The following CADM1 variants were observed in gnomAD, a reference collection of about 807,000 sequenced individuals.
CADM1 encodes the protein TSLC-1.
A neutral mutation model predicts 53.1 loss-of-function variants in CADM1; 15 were observed. The observed-to-expected ratio is 0.28, with a 90% CI of 0.19 to 0.44. CADM1 has a LOEUF of 0.44. CADM1 is among the 20% of genes least tolerant of loss of function. The probability of loss-of-function intolerance (pLI) is 1.00; values close to 1 mark genes in which losing one functional copy is unlikely to be tolerated. For missense variants in CADM1, 434 were observed against 611.3 expected (o/e 0.71, Z 3.06); for synonymous variants, 281 against 243.0 (o/e 1.16, Z -1.45).
chr11:115,464,259 C>T (rs942894203), intron 1 of CADM1, among the ~76,000 whole-genome samples: 20 of 152,072 alleles, frequency 1.3e-4, no homozygotes, highest in African/African-American at 4.3e-4. Flanking sequence ...GTTATAGGTG[C>T]GTGTGTATTT....
rs10565366 is a variant in CADM1 at position 115,174,266 on chromosome 11, ATTT to A, written c.*2205_*2207del. ...TGCCAATTCTGTGAGCAATGGTGTG[ATTT>A]TTTTTTTTTGTTTTTGTTTTTGTTT... On this transcript the variant is annotated 3_prime_UTR_variant, in exon 12 of 12. Transcript: ENST00000331581. The A allele has an allele frequency of 2.7e-3, 2,419 of 906,754 alleles. 2 individuals are homozygous for A. The highest frequency in any genetic ancestry group is 6.8e-3 in the Middle Eastern group (12 of 1,756). The allele number at this position is 906,754 out of a possible 1,614,324, so 56.2% of individuals were successfully genotyped here.
intron 1 of CADM1, among the ~76,000 whole-genome samples, chr11:115,461,755 G>A (rs1948799748): frequency 1.3e-5 from 2 of 152,138 alleles, no homozygotes; most frequent in South Asian, 4.1e-4. Flanking sequence ...TTGTATATTT[G>A]CTTGGGAAGT....
At chr11:115,404,260 A>T (rs1361910395) in intron 1 of CADM1, among the ~76,000 whole-genome samples, 1 of 140,312 alleles carries the variant, frequency 7.1e-6, no homozygotes, top group East Asian at 2.3e-4. Context: ...CAGGAGGTGG[A>T]GGTTGCAGTG....
At chr11:115,446,075 C>G (rs1273534573) in intron 1 of CADM1, among the ~76,000 whole-genome samples, 1 of 152,104 alleles carries the variant, frequency 6.6e-6, no homozygotes, top group Admixed American at 6.5e-5. Flanking sequence ...TTAAGGATGA[C>G]TAAGACAGAG....
chr11:115,195,057 G>C (rs1940083039), intron 9 of CADM1, among the ~76,000 whole-genome samples: 2 of 152,192 alleles, frequency 1.3e-5, no homozygotes. Context: ...CCTTAAGGAT[G>C]AGCTCCAAAA....
At chr11:115,226,207 T>A (rs1941601425) in intron 5 of CADM1, among the ~76,000 whole-genome samples, 1 of 152,210 alleles carries the variant, frequency 6.6e-6, no homozygotes, top group Non-Finnish European at 1.5e-5. Context: ...TGTAATTTAA[T>A]AGATATTTTT....
chr11:115,469,863 G>C (rs1948975050), intron 1 of CADM1, among the ~76,000 whole-genome samples: 2 of 151,912 alleles, frequency 1.3e-5, no homozygotes. Flanking sequence ...GTAGAGACGG[G>C]CTTTCGCCAT....
intron 1 of CADM1, among the ~76,000 whole-genome samples, chr11:115,400,661 GTA>G (rs372594262): frequency 0.038 from 1,759 of 45,826 alleles, 11 homozygotes; most frequent in South Asian, 0.07. Flanking sequence ...GTGTGTGTGT[GTA>G]TATATATATA....
intron 3 of CADM1, among the ~76,000 whole-genome samples, chr11:115,232,857 A>G (rs763258623): frequency 3.3e-5 from 5 of 152,236 alleles, no homozygotes; most frequent in Non-Finnish European, 7.3e-5. Context: ...CTTATGATTA[A>G]TAAGTTTCTC....
At chr11:115,272,405 T>C (rs981488293) in intron 1 of CADM1, among the ~76,000 whole-genome samples, 2 of 152,158 alleles carry the variant, frequency 1.3e-5, no homozygotes, top group Non-Finnish European at 2.9e-5. Flanking sequence ...TTCAGGTGTA[T>C]ATAAAAACTG....
At chr11:115,426,061 T>A (rs147830360) in intron 1 of CADM1, among the ~76,000 whole-genome samples, 88 of 152,210 alleles carry the variant, frequency 5.8e-4, no homozygotes, top group Non-Finnish European at 1.1e-3. Context: ...AGGACTCAGG[T>A]GACAAGGAGG....
At chr11:115,471,836 T>A (rs775937710) in intron 1 of CADM1, among the ~76,000 whole-genome samples, 4 of 152,038 alleles carry the variant, frequency 2.6e-5, no homozygotes, top group African/African-American at 9.7e-5. Context: ...GAAGACACCA[T>A]GGATGGAATG....
chr11:115,439,805 G>T (rs1270647056), intron 1 of CADM1, among the ~76,000 whole-genome samples: 1 of 152,140 alleles, frequency 6.6e-6, no homozygotes, highest in Non-Finnish European at 1.5e-5. Context: ...ATGAACAATT[G>T]CTCATTTTTC....
At chr11:115,263,101 G>A (rs968783180) in intron 1 of CADM1, among the ~76,000 whole-genome samples, 8 of 152,214 alleles carry the variant, frequency 5.3e-5, no homozygotes, top group African/African-American at 1.9e-4. Context: ...CGGAGGCGAC[G>A]CGCCCCTTCA....
chr11:115,497,893 G>C (rs1949654694), intron 1 of CADM1, among the ~76,000 whole-genome samples: 1 of 146,322 alleles, frequency 6.8e-6, no homozygotes, highest in South Asian at 2.2e-4. Flanking sequence ...ATAATTCCCT[G>C]TTTGTCTGGA....
At chr11:115,412,463 T>C (rs183905076) in intron 1 of CADM1, among the ~76,000 whole-genome samples, 1 of 152,334 alleles carries the variant, frequency 6.6e-6, no homozygotes, top group East Asian at 1.9e-4. Flanking sequence ...CCTCCTGAAG[T>C]GTTGGGATTA....
chr11:115,385,669 TA>T (rs1315675446), intron 1 of CADM1, among the ~76,000 whole-genome samples: 3 of 149,328 alleles, frequency 2.0e-5, no homozygotes, highest in Admixed American at 2.0e-4. Context: ...AGGTACATAT[TA>T]AACTGGGGCT....
chr11:115,289,604 T>C (rs1384687692), intron 1 of CADM1, among the ~76,000 whole-genome samples: 4 of 91,474 alleles, frequency 4.4e-5, no homozygotes, highest in Non-Finnish European at 7.3e-5. Context: ...TTTTTTTTTT[T>C]TTTTTTTTTG....
chr11:115,421,355 G>A (rs779375063), intron 1 of CADM1, among the ~76,000 whole-genome samples: 1 of 152,204 alleles, frequency 6.6e-6, no homozygotes, highest in Non-Finnish European at 1.5e-5. Context: ...TACTTGACAA[G>A]TGGGAGATGT....
Sources: allele counts gnomAD v4.1 joint callset (sites outside exome capture counted in the v4.1 genomes callset), GRCh38; gene constraint gnomAD v4.1.1; transcripts MANE v1.5; gene names NCBI Gene and HGNC (gene_info 2026-07-23, HGNC 2026-07-21).